BRINP3: variants seen among roughly 807,000 people sequenced by gnomAD.
BRINP3 encodes BMP/retinoic acid-inducible neural-specific protein 3.
A neutral mutation model predicts 71.0 loss-of-function variants in BRINP3; 19 were observed. The ratio of observed to expected loss-of-function variants is 0.27; its 90% CI spans 0.19 to 0.39. The LOEUF is 0.39. BRINP3 is among the 10% of genes least tolerant of loss of function. BRINP3 has a pLI of 1.00. For missense variants in BRINP3, 959 were observed against 940.8 expected (o/e 1.02, Z -0.25); for synonymous variants, 380 against 337.7 (o/e 1.13, Z -1.37).
intron 6 of BRINP3, among the ~76,000 whole-genome samples, chr1:190,214,503 A>G (rs1415977172): frequency 6.6e-6 from 1 of 151,982 alleles, no homozygotes; most frequent in Non-Finnish European, 1.5e-5. Context: ...AACTTCTCAC[A>G]TATTTTCAGG....
At chr1:190,339,796 A>G (rs1308087545) in intron 2 of BRINP3, among the ~76,000 whole-genome samples, 1 of 151,968 alleles carries the variant, frequency 6.6e-6, no homozygotes, top group African/African-American at 2.4e-5. Flanking sequence ...TCTTATCTTC[A>G]AAAGTGAGTT....
At chr1:190,436,323 G>C (rs1435321687) in intron 2 of BRINP3, among the ~76,000 whole-genome samples, 2 of 151,798 alleles carry the variant, frequency 1.3e-5, no homozygotes, top group East Asian at 3.8e-4. Flanking sequence ...ATTAACCAAA[G>C]GTCAAAGAGG....
At chr1:190,191,459 T>C (rs1251500698) in intron 6 of BRINP3, among the ~76,000 whole-genome samples, 1 of 152,084 alleles carries the variant, frequency 6.6e-6, no homozygotes, top group East Asian at 1.9e-4. Flanking sequence ...TCTGTGTCTA[T>C]GAGGTCTCAA....
At chr1:190,303,866 C>T (rs1379936121) in intron 2 of BRINP3, among the ~76,000 whole-genome samples, 1 of 151,312 alleles carries the variant, frequency 6.6e-6, no homozygotes, top group Non-Finnish European at 1.5e-5. Context: ...TTATTTTCCC[C>T]CTAGGTATTT....
Position 190,098,385 on chromosome 1 carries a change from T to G in BRINP3, c.1934A>C (p.Tyr645Ser). The G allele has an allele frequency of 6.2e-7, 1 of 1,614,176 alleles. No homozygotes were observed. The highest frequency in any genetic ancestry group is 8.5e-7 in the Non-Finnish European group (1 of 1,180,036). ...GTCAATAAACTCCAGAGGTTCATAG[T>G]AAATGCTCTCATTACCATTGGGACC... ...SNGPNGNESI[Y>S]YEPLEFIDPS... Residue 645 changes from tyrosine to serine, a missense_variant, in exon 8 of 8, where the codon TAC becomes TCC. Tyr to Ser is a moderately radical substitution (Grantham distance 144). Coordinates refer to ENST00000367462, the MANE Select transcript of BRINP3 (RefSeq NM_199051.3).
intron 1 of BRINP3, among the ~76,000 whole-genome samples, chr1:190,475,418 C>A (rs1677431851): frequency 6.6e-6 from 1 of 152,158 alleles, no homozygotes; most frequent in Non-Finnish European, 1.5e-5. Flanking sequence ...AGGATGGAAA[C>A]CCCCTGGCGC....
chr1:190,172,373 A>T (rs1251432764), intron 6 of BRINP3, among the ~76,000 whole-genome samples: 2 of 151,794 alleles, frequency 1.3e-5, no homozygotes, highest in Non-Finnish European at 2.9e-5. Context: ...GTTGTTGAAG[A>T]CATTTTTCCT....
chr1:190,190,707 GT>G (rs36112957), intron 6 of BRINP3, among the ~76,000 whole-genome samples: 6 of 150,412 alleles, frequency 4.0e-5, no homozygotes, highest in East Asian at 2.0e-4. Context: ...AAATCAAAGT[GT>G]TTTTTTTTGA....
chr1:190,418,685 T>G (rs1216754779), intron 2 of BRINP3, among the ~76,000 whole-genome samples: 1 of 152,072 alleles, frequency 6.6e-6, no homozygotes. Flanking sequence ...AAAAACAACA[T>G]AGCAAAAAAC....
intron 7 of BRINP3, among the ~76,000 whole-genome samples, chr1:190,141,389 T>A (rs1655416667): frequency 6.6e-6 from 1 of 151,992 alleles, no homozygotes. Flanking sequence ...TTGATTGAGA[T>A]GTTTGTTTGT....
At chr1:190,300,947 GAGA>G (rs1200760456) in intron 2 of BRINP3, among the ~76,000 whole-genome samples, 33 of 152,018 alleles carry the variant, frequency 2.2e-4, no homozygotes, top group Middle Eastern at 3.4e-3. Flanking sequence ...GACGAGCTGA[GAGA>G]AGAAGGCTTC....
chr1:190,126,102 T>C (rs185445226), intron 7 of BRINP3, among the ~76,000 whole-genome samples: 34 of 152,106 alleles, frequency 2.2e-4, no homozygotes, highest in Admixed American at 1.3e-3. Flanking sequence ...TTGATTTGAC[T>C]AGGAATTTAG....
At chr1:190,305,601 TG>T (rs1665039988) in intron 2 of BRINP3, among the ~76,000 whole-genome samples, 1 of 151,302 alleles carries the variant, frequency 6.6e-6, no homozygotes, top group Non-Finnish European at 1.5e-5. Flanking sequence ...GAGGGGGAGA[TG>T]GGGGTAAACT....
At chr1:190,396,380 T>C (rs1257750206) in intron 2 of BRINP3, among the ~76,000 whole-genome samples, 1 of 151,714 alleles carries the variant, frequency 6.6e-6, no homozygotes, top group African/African-American at 2.4e-5. Context: ...CCTCAGTAAC[T>C]GTAGCCAGGG....
chr1:190,215,558 T>TA (rs1379384772), intron 6 of BRINP3, among the ~76,000 whole-genome samples: 2 of 151,974 alleles, frequency 1.3e-5, no homozygotes, highest in Non-Finnish European at 2.9e-5. Context: ...ACATAAAATT[T>TA]AAAAAAATTT....
At chr1:190,309,051 C>T (rs763863967) in intron 2 of BRINP3, among the ~76,000 whole-genome samples, 2 of 151,872 alleles carry the variant, frequency 1.3e-5, no homozygotes, top group Admixed American at 6.6e-5. Context: ...CCCAAGTGTA[C>T]ATCAACAGAT....
chr1:190,170,911 G>A (rs1438873896), intron 6 of BRINP3, among the ~76,000 whole-genome samples: 1 of 152,016 alleles, frequency 6.6e-6, no homozygotes, highest in Non-Finnish European at 1.5e-5. Flanking sequence ...CTCTATCTTA[G>A]TTATTGCTGT....
intron 2 of BRINP3, among the ~76,000 whole-genome samples, chr1:190,355,647 ATT>A: frequency 6.6e-6 from 1 of 152,038 alleles, no homozygotes; most frequent in Non-Finnish European, 1.5e-5. Context: ...TAGAACTAAA[ATT>A]AAGAAAAACA....
intron 2 of BRINP3, among the ~76,000 whole-genome samples, chr1:190,407,287 A>C (rs1397927127): frequency 6.6e-6 from 1 of 152,228 alleles, no homozygotes; most frequent in African/African-American, 2.4e-5. Flanking sequence ...TTTATTGATG[A>C]AAAATATGCA....
Sources: gnomAD v4.1 joint callset for allele counts (sites outside exome capture counted in the v4.1 genomes callset) on GRCh38, gnomAD v4.1.1 for gene constraint, MANE v1.5 for transcripts, NCBI Gene and HGNC (gene_info 2026-07-23, HGNC 2026-07-21) for gene names.